CLYBL: variants seen among roughly 807,000 people sequenced by gnomAD.
The protein encoded by CLYBL is citramalyl-CoA lyase, mitochondrial.
A neutral mutation model predicts 38.9 loss-of-function variants in CLYBL; 31 were observed. That is an observed-to-expected ratio of 0.80 (90% CI 0.60 to 1.08). The LOEUF is 1.08. Ranked by LOEUF, CLYBL falls within the 50% of genes least tolerant of loss-of-function variation. CLYBL has a pLI of 0.00. For synonymous variants in CLYBL, 171 were observed against 158.6 expected, an observed-to-expected ratio of 1.08 and a Z score of -0.59; for missense variants, 434 against 411.6, an observed-to-expected ratio of 1.05 and a Z score of -0.47.
chr13:99,876,271 A>T (rs1279955074), intron 7 of CLYBL, among the ~76,000 whole-genome samples: 1 of 151,200 alleles, frequency 6.6e-6, no homozygotes, highest in Non-Finnish European at 1.5e-5. Context: ...AATACAAAAA[A>T]TCAGCTGGGT....
intron 2 of CLYBL, among the ~76,000 whole-genome samples, chr13:99,809,184 A>G (rs73572528): frequency 0.016 from 2,391 of 152,268 alleles, 54 homozygotes; most frequent in African/African-American, 0.055. Context: ...ATGAATTACT[A>G]TATTTATAAT....
At chr13:99,767,274 AG>A (rs2049287531) in intron 1 of CLYBL, among the ~76,000 whole-genome samples, 1 of 151,782 alleles carries the variant, frequency 6.6e-6, no homozygotes, top group African/African-American at 2.4e-5. Context: ...TTGAGTTCTG[AG>A]GTCCTTCTGG....
chr13:99,900,277 G>A (rs188003211), downstream of CLYBL, among the ~76,000 whole-genome samples: 85 of 152,176 alleles, frequency 5.6e-4, no homozygotes, highest in East Asian at 0.01. Flanking sequence ...ACAGGAAAAC[G>A]TGTTCAAATT....
At chr13:99,692,286 G>GTTT (rs71215539) in intron 1 of CLYBL, among the ~76,000 whole-genome samples, 1 of 115,878 alleles carries the variant, frequency 8.6e-6, no homozygotes. Flanking sequence ...TGTTTTTTTT[G>GTTT]TTTTTTTTTT....
chr13:99,718,969 A>C (rs2048356962), intron 1 of CLYBL, among the ~76,000 whole-genome samples: 1 of 151,802 alleles, frequency 6.6e-6, no homozygotes, highest in African/African-American at 2.4e-5. Context: ...CAGCCTCCCC[A>C]GTAGCTGGGA....
chr13:99,655,832 G>A (rs1442535259), intron 1 of CLYBL, among the ~76,000 whole-genome samples: 1 of 152,212 alleles, frequency 6.6e-6, no homozygotes, highest in East Asian at 1.9e-4. Flanking sequence ...CCTAGGAAGA[G>A]ATATTGATGA....
intron 2 of CLYBL, among the ~76,000 whole-genome samples, chr13:99,807,716 G>A (rs542264904): frequency 3.3e-5 from 5 of 152,104 alleles, no homozygotes; most frequent in Non-Finnish European, 7.3e-5. Flanking sequence ...GATGGACGGT[G>A]GTGATGGTTG....
intron 2 of CLYBL, among the ~76,000 whole-genome samples, chr13:99,802,023 C>CA (rs956570834): frequency 4.0e-5 from 6 of 151,714 alleles, no homozygotes; most frequent in Non-Finnish European, 8.8e-5. Context: ...TCTCAAAAAA[C>CA]AAAAAAACAA....
chr13:99,720,754 G>C (rs2048380578), intron 1 of CLYBL, among the ~76,000 whole-genome samples: 1 of 152,018 alleles, frequency 6.6e-6, no homozygotes, highest in South Asian at 2.1e-4. Context: ...TTTTTCATGG[G>C]TAATCTGTCT....
intron 1 of CLYBL, among the ~76,000 whole-genome samples, chr13:99,665,699 T>C (rs1290921401): frequency 6.6e-6 from 1 of 152,234 alleles, no homozygotes; most frequent in Non-Finnish European, 1.5e-5. Flanking sequence ...AATTTCTGTC[T>C]TTGTGATAAT....
intron 1 of CLYBL, among the ~76,000 whole-genome samples, chr13:99,691,739 C>G (rs922891499): frequency 1.4e-4 from 21 of 152,210 alleles, no homozygotes; most frequent in Non-Finnish European, 2.6e-4. Flanking sequence ...GACTTCCTCC[C>G]TTCTTCCGCA....
intron 1 of CLYBL, among the ~76,000 whole-genome samples, chr13:99,684,981 T>TG: frequency 6.6e-6 from 1 of 152,342 alleles, no homozygotes; most frequent in East Asian, 1.9e-4. Flanking sequence ...CAGGCGTAAT[T>TG]GGAGTTCTTA....
chr13:99,634,287 C>G (rs189455202), intron 1 of CLYBL, among the ~76,000 whole-genome samples: 1 of 152,072 alleles, frequency 6.6e-6, no homozygotes, highest in Non-Finnish European at 1.5e-5. Flanking sequence ...AAATAAAGAC[C>G]TTTATAATTA....
chr13:99,673,850 G>A (rs2047603141), intron 1 of CLYBL, among the ~76,000 whole-genome samples: 1 of 152,188 alleles, frequency 6.6e-6, no homozygotes, highest in South Asian at 2.1e-4. Context: ...ACAGGTGAGA[G>A]CTGCTGGTGT....
chr13:99,786,963 A>T (rs948847481), intron 2 of CLYBL, among the ~76,000 whole-genome samples: 10 of 151,934 alleles, frequency 6.6e-5, no homozygotes, highest in Non-Finnish European at 1.0e-4. Context: ...GCCAGTGATG[A>T]TGAGCATTTT....
intron 1 of CLYBL, among the ~76,000 whole-genome samples, chr13:99,675,606 T>C (rs1008516908): frequency 1.4e-4 from 22 of 152,220 alleles, no homozygotes; most frequent in African/African-American, 5.3e-4. Context: ...GGACTCTTCA[T>C]ATACATGGAA....
chr13:99,805,719 G>A (rs113171784), intron 2 of CLYBL, among the ~76,000 whole-genome samples: 334 of 152,104 alleles, frequency 2.2e-3, no homozygotes, highest in African/African-American at 7.7e-3. Flanking sequence ...GTCTTGTCAG[G>A]TACTTAACAT....
Position 99,858,846 on chromosome 13 carries a change from TA to T in CLYBL, c.250-14del. On this transcript the variant is annotated splice_polypyrimidine_tract_variant and intron_variant, in intron 2 of 8. Transcript: ENST00000339105. Reference sequence around the variant, plus strand: ...TGATAAAAATAAACAATAAACTTTTTATTGACACTTACAGAATGAAGCTCGA... The same window carrying T: ...TGATAAAAATAAACAATAAACTTTTTTTGACACTTACAGAATGAAGCTCGA... The T allele has an allele frequency of 6.4e-7, 1 of 1,570,534 alleles. No individual in the cohort carries two copies. The highest frequency in any genetic ancestry group is 8.6e-7 in the Non-Finnish European group (1 of 1,159,228).
chr13:99,813,047 TTTC>T (rs769237050), intron 2 of CLYBL, among the ~76,000 whole-genome samples: 2 of 152,228 alleles, frequency 1.3e-5, no homozygotes, highest in South Asian at 2.1e-4. Flanking sequence ...AAGGCTATAA[TTTC>T]TTCTTCTTTA....
Sources: allele counts gnomAD v4.1 joint callset (sites outside exome capture counted in the v4.1 genomes callset), GRCh38; gene constraint gnomAD v4.1.1; transcripts MANE v1.5; gene names NCBI Gene and HGNC (gene_info 2026-07-23, HGNC 2026-07-21).